Variants in COL24A1 observed in about 807,000 individuals in gnomAD.
COL24A1 encodes collagen type XXIV alpha 1 chain.
COL24A1 carries 224 observed loss-of-function variants against 253.9 expected under a neutral mutation model. That is an observed-to-expected ratio of 0.88 (90% CI 0.79 to 0.99). The LOEUF (loss-of-function observed/expected upper bound fraction) is 0.99. Ranked by LOEUF, COL24A1 falls within the 50% of genes least tolerant of loss-of-function variation. The pLI, the probability that COL24A1 is intolerant of heterozygous loss-of-function variation, is 0.00. For synonymous variants in COL24A1, 685 were observed against 673.7 expected (o/e 1.02, Z -0.26); for missense variants, 2,131 against 2,068.5 (o/e 1.03, Z -0.59).
At chr1:85,976,642 T>C (rs1323058664) in intron 20 of COL24A1, among the ~76,000 whole-genome samples, 1 of 152,146 alleles carries the variant, frequency 6.6e-6, no homozygotes, top group Non-Finnish European at 1.5e-5. Context: ...CTGGCCAACT[T>C]AGGGCAAGCT....
In COL24A1 at chr1:86,130,004, T is replaced by C. The variant is rs569772050; in HGVS notation, c.122-3790A>G. 2.0e-5 allele frequency among the ~76,000 whole-genome samples: 3 copies of C among 152,032 alleles called. No individual in the cohort carries two copies. In the East Asian group the frequency reaches 5.8e-4, roughly 29 times the overall value. On this transcript the variant is annotated intron_variant, in intron 2 of 59. Transcript: ENST00000370571. ...GTGTGTCTATTTGGCCTTTTCTCTC[T>C]TGTGGTCTTTGCTTTATGAATATTG...
At position 85,889,957 on chromosome 1, in the gene COL24A1, C is replaced by A. The variant is rs577390353; in HGVS notation, c.2923-344G>T. 4.6e-4 allele frequency among the ~76,000 whole-genome samples: 70 copies of A among 152,094 alleles called. No individual in the cohort carries two copies. The Middle Eastern group carries it at 0.01, about 22-fold the overall frequency. The stretch of plus-strand genomic sequence containing the variant: ...CAACCACCATTCTATTTTCTGTCTC[C>A]ATGAATTTGACTACCCTAAGTACCT... On this transcript the variant is annotated intron_variant, in intron 31 of 59. Transcript: ENST00000370571.
intron 24 of COL24A1, among the ~76,000 whole-genome samples, chr1:85,926,865 G>T (rs528320770): frequency 1.7e-4 from 26 of 151,958 alleles, no homozygotes; most frequent in African/African-American, 5.5e-4. Context: ...AGGAGAACCA[G>T]GAATGCACAA....
chr1:86,089,317 A>G, intron 6 of COL24A1, 90 bp from the exon 7 acceptor site: 2 of 1,003,038 alleles, frequency 2.0e-6, no homozygotes, highest in Non-Finnish European at 3.0e-6. Flanking sequence ...AATTTTGGAC[A>G]TCAGCTCTTA....
chr1:85,878,884 T>C (rs1009972149), intron 32 of COL24A1, among the ~76,000 whole-genome samples: 1 of 152,188 alleles, frequency 6.6e-6, no homozygotes, highest in Admixed American at 6.6e-5. Context: ...TATATCTTCT[T>C]TGGTGTGGTG....
At chr1:85,813,434 AAG>A (rs1553184229) in intron 47 of COL24A1, among the ~76,000 whole-genome samples, 1 of 144,764 alleles carries the variant, frequency 6.9e-6, no homozygotes, top group African/African-American at 2.9e-5. Context: ...AAAAAAAAAA[AAG>A]AAGCCAAAGC....
chr1:85,877,089 T>C, intron 33 of COL24A1, 33 bp downstream of exon 33: 1 of 1,532,098 alleles, frequency 6.5e-7, no homozygotes, highest in Non-Finnish European at 8.9e-7. Context: ...AAGTAGAATA[T>C]TTATGAAGAA....
At chr1:85,761,646 T>G in intron 53 of COL24A1, 80 bp from the exon 54 acceptor site, 1 of 1,383,356 alleles carries the variant, frequency 7.2e-7, no homozygotes. Context: ...ATATTCAACC[T>G]CTGTAACTGC....
intron 47 of COL24A1, among the ~76,000 whole-genome samples, chr1:85,807,496 C>T (rs1672103654): frequency 6.6e-6 from 1 of 152,114 alleles, no homozygotes; most frequent in Admixed American, 6.6e-5. Flanking sequence ...TGGAATCAGA[C>T]TGTTTTGCAC....
At chr1:85,808,932 G>T (rs889923515) in intron 47 of COL24A1, among the ~76,000 whole-genome samples, 10 of 152,160 alleles carry the variant, frequency 6.6e-5, no homozygotes, top group African/African-American at 2.4e-4. Context: ...GAGTGCTGCT[G>T]ATTGGTTGGG....
chr1:85,985,617 T>C (rs996576546), intron 20 of COL24A1, among the ~76,000 whole-genome samples: 1 of 151,758 alleles, frequency 6.6e-6, no homozygotes, highest in South Asian at 2.1e-4. Flanking sequence ...ACAATTACAC[T>C]ATCCTGGTGA....
chr1:85,857,458 C>CAAAAAAAAAAAAAAAAAA (rs57368737), intron 37 of COL24A1, among the ~76,000 whole-genome samples: 3 of 94,478 alleles, frequency 3.2e-5, no homozygotes, highest in African/African-American at 4.2e-5. Flanking sequence ...CCCTCTTCTC[C>CAAAAAAAAAAAAAAAAAA]AAAAAAAAAA....
intron 16 of COL24A1, 64 bp from the exon 17 acceptor site, chr1:86,022,655 G>A: frequency 6.7e-7 from 1 of 1,489,710 alleles, no homozygotes; most frequent in Non-Finnish European, 9.2e-7. Context: ...TTATAAGAAA[G>A]CAAATATTCA....
intron 28 of COL24A1, among the ~76,000 whole-genome samples, chr1:85,903,807 G>A (rs1305151628): frequency 6.6e-6 from 1 of 152,066 alleles, no homozygotes; most frequent in Non-Finnish European, 1.5e-5. Context: ...TAACTAATTA[G>A]GCCTAGCAGT....
chr1:86,085,811 CAT>C, intron 7 of COL24A1, among the ~76,000 whole-genome samples: 1 of 152,132 alleles, frequency 6.6e-6, no homozygotes, highest in South Asian at 2.1e-4. Flanking sequence ...CTAGGGAAAA[CAT>C]ATTGCTTGTT....
At chr1:85,926,379 T>C (rs1571250553) in intron 24 of COL24A1, among the ~76,000 whole-genome samples, 1 of 152,222 alleles carries the variant, frequency 6.6e-6, no homozygotes, top group East Asian at 1.9e-4. Context: ...TGCACACGTA[T>C]GTTTATTGCG....
chr1:85,970,856 T>C (rs1692092301), intron 21 of COL24A1, among the ~76,000 whole-genome samples: 1 of 152,186 alleles, frequency 6.6e-6, no homozygotes, highest in South Asian at 2.1e-4. Context: ...ACATAAATCA[T>C]TTAATGAATT....
intron 23 of COL24A1, among the ~76,000 whole-genome samples, chr1:85,961,700 A>G (rs111312955): frequency 7.9e-5 from 12 of 152,306 alleles, no homozygotes; most frequent in African/African-American, 2.4e-4. Context: ...AACACCAAGC[A>G]TGACTGGGAG....
intron 2 of COL24A1, among the ~76,000 whole-genome samples, chr1:86,137,653 T>C (rs1650457426): frequency 6.6e-6 from 1 of 152,178 alleles, no homozygotes; most frequent in African/African-American, 2.4e-5. Flanking sequence ...TTGTTCTTTT[T>C]TCTATAAATA....
Sources: allele counts gnomAD v4.1 joint callset (sites outside exome capture counted in the v4.1 genomes callset), GRCh38; gene constraint gnomAD v4.1.1; transcripts MANE v1.5; gene names NCBI Gene and HGNC (gene_info 2026-07-23, HGNC 2026-07-21).